Variants in TMOD3 observed in about 807,000 individuals in gnomAD.
The protein encoded by TMOD3 is tropomodulin 3, also known as tropomodulin-3.
A neutral mutation model predicts 39.2 loss-of-function variants in TMOD3; 20 were observed. The observed-to-expected ratio is 0.51, with a 90% CI of 0.36 to 0.74. The LOEUF is 0.74. Among genes scored for constraint, TMOD3 ranks in the 30% least tolerant of loss-of-function variants. The pLI is 0.00. For missense variants in TMOD3, 381 were observed against 412.8 expected (o/e 0.92, Z 0.67); for synonymous variants, 143 against 145.8 (o/e 0.98, Z 0.14).
chr15:51,839,165 C>CTTT (rs60102349), intron 1 of TMOD3, among the ~76,000 whole-genome samples: 4 of 108,968 alleles, frequency 3.7e-5, no homozygotes, highest in Non-Finnish European at 8.0e-5. Context: ...GTGTATCTCT[C>CTTT]TTTTTTTTTT....
intron 1 of TMOD3, among the ~76,000 whole-genome samples, chr15:51,845,536 C>T (rs192843327): frequency 2.0e-5 from 3 of 152,208 alleles, no homozygotes; most frequent in East Asian, 1.9e-4. Context: ...GTGGGAACAT[C>T]GCTTGAGCTC....
In TMOD3 at chr15:51,836,456, C is replaced by T. The variant is rs79866456; in HGVS notation, c.-75+6620C>T. ...CACCCTTATACTACTCTTAAGAATT[C>T]GTTTTCACGCCTATAATCCCAGCAC... On this transcript the variant is annotated intron_variant, in intron 1 of 9. Coordinates refer to ENST00000308580, the MANE Select transcript of TMOD3 (RefSeq NM_014547.5). Among the ~76,000 whole-genome samples the T allele has an allele frequency of 5.6e-4, 85 of 152,164 alleles. 1 individual carries two copies. The East Asian group carries it at 0.012, about 21-fold the overall frequency.
At chr15:51,908,612 GT>G (rs543529390) in intron 9 of TMOD3, among the ~76,000 whole-genome samples, 163 bp from the exon 10 acceptor site, 4,930 of 120,772 alleles carry the variant, frequency 0.041, 217 homozygotes, top group African/African-American at 0.12. Context: ...GAAGTAGGTT[GT>G]TTTTTTTTTT....
chr15:51,908,981 T>G lies in TMOD3; in HGVS notation c.*171T>G. 1 of 435,510 alleles carries G rather than the reference T, an allele frequency of 2.3e-6. No homozygotes were observed. The highest frequency in any genetic ancestry group is 4.1e-6 in the Non-Finnish European group (1 of 243,786). 27.0% of individuals were successfully genotyped at this position (435,510 alleles called of 1,614,324 possible). A position where few individuals can be genotyped will look rare whatever the true frequency, so the allele number is the denominator to read the frequency against. ...ATTGTAAAATCAGTAATGTGATATT[T>G]TATATTCTGAAACATTTCTACTTTC... On this transcript the variant is annotated 3_prime_UTR_variant, in exon 10 of 10. Coordinates refer to ENST00000308580, the MANE Select transcript of TMOD3 (RefSeq NM_014547.5).
At chr15:51,894,014 G>T in intron 6 of TMOD3, 69 bp downstream of exon 6, 3 of 1,349,798 alleles carry the variant, frequency 2.2e-6, no homozygotes, top group East Asian at 5.1e-5. Context: ...GAGCTGGGCA[G>T]TTGATAAAAT....
intron 7 of TMOD3, among the ~76,000 whole-genome samples, chr15:51,899,574 G>A (rs956967443): frequency 3.3e-5 from 5 of 151,756 alleles, no homozygotes; most frequent in African/African-American, 9.7e-5. Context: ...GCTGAGGTGG[G>A]AAGATCAATT....
At chr15:51,871,753 G>A (rs891757314) in intron 3 of TMOD3, among the ~76,000 whole-genome samples, 1 of 152,120 alleles carries the variant, frequency 6.6e-6, no homozygotes, top group Non-Finnish European at 1.5e-5. Context: ...AAAAAGTGCT[G>A]TATCCTCAAC....
chr15:51,840,504 CTTA>C (rs1278909743), intron 1 of TMOD3, among the ~76,000 whole-genome samples: 2 of 152,180 alleles, frequency 1.3e-5, no homozygotes, highest in Non-Finnish European at 2.9e-5. Flanking sequence ...GATGGTTACT[CTTA>C]TTATTCTTAT....
At chr15:51,836,736 AG>A (rs199739427) in intron 1 of TMOD3, among the ~76,000 whole-genome samples, 1,411 of 50,668 alleles carry the variant, frequency 0.028, 42 homozygotes, top group East Asian at 0.13. Flanking sequence ...AAAAAAAAAA[AG>A]AAAAAAGAAA....
At chr15:51,869,573 G>A (rs1203472485) in intron 3 of TMOD3, among the ~76,000 whole-genome samples, 200 bp downstream of exon 3, 1 of 152,124 alleles carries the variant, frequency 6.6e-6, no homozygotes, top group Non-Finnish European at 1.5e-5. Flanking sequence ...TCTTAATGAT[G>A]TTAGTGAGGT....
intron 1 of TMOD3, among the ~76,000 whole-genome samples, chr15:51,832,230 T>TATATATATATATATA (rs1450593296): frequency 1.3e-4 from 18 of 136,624 alleles, no homozygotes; most frequent in African/African-American, 4.4e-4. Flanking sequence ...TATATATATA[T>TATATATATATATATA]ATGAATGACA....
At chr15:51,883,928 T>A (rs1361802820) in intron 3 of TMOD3, among the ~76,000 whole-genome samples, 1 of 152,218 alleles carries the variant, frequency 6.6e-6, no homozygotes, top group African/African-American at 2.4e-5. Flanking sequence ...TCAACCACTA[T>A]GAAAAGTATG....
intron 3 of TMOD3, among the ~76,000 whole-genome samples, chr15:51,880,624 G>C (rs540645040): frequency 6.6e-6 from 1 of 152,202 alleles, no homozygotes; most frequent in African/African-American, 2.4e-5. Context: ...TTAGCATAAG[G>C]TTTTGGAGTT....
At chr15:51,886,603 C>A (rs916514476) in intron 3 of TMOD3, among the ~76,000 whole-genome samples, 1 of 152,094 alleles carries the variant, frequency 6.6e-6, no homozygotes, top group African/African-American at 2.4e-5. Flanking sequence ...TGCAGTGAGC[C>A]GAGATGGCAG....
In TMOD3 at chr15:51,869,301, T is replaced by C; in HGVS notation, c.211T>C (p.Ser71Pro). The part of the protein sequence containing the change: ...TGPFDREHLL[S>P]YLEKEALEHK... ...GCCATTTGATAGAGAGCATCTCCTTTCATATCTGGAGAAAGAAGCATTGGA... is the reference window on the plus strand; with the variant it reads ...GCCATTTGATAGAGAGCATCTCCTTCCATATCTGGAGAAAGAAGCATTGGA... Residue 71 changes from serine (S) to proline (P), a missense_variant, in exon 3 of 10, where the codon TCA becomes CCA. Ser to Pro is a moderately conservative substitution (Grantham distance 74). Transcript: ENST00000308580. 5 of 1,614,146 alleles carry C rather than the reference T, an allele frequency of 3.1e-6. No individual in the cohort carries two copies. Among genetic ancestry groups the C allele is most frequent in the Non-Finnish European group, 4.2e-6 (5 of 1,180,010 alleles).
chr15:51,904,723 A>G (rs1339350759), intron 9 of TMOD3, among the ~76,000 whole-genome samples: 2 of 152,176 alleles, frequency 1.3e-5, no homozygotes, highest in Non-Finnish European at 2.9e-5. Flanking sequence ...TTTCTGTAAG[A>G]AAAGAAATGT....
In TMOD3 at chr15:51,900,292, C is replaced by T. The variant is rs1258321526; in HGVS notation, c.873C>T (p.Asp291=). The change falls in exon 8 of 10, where the codon GAC becomes GAT. Residue 291 remains aspartate, a synonymous_variant. Coordinates refer to ENST00000308580, the MANE Select transcript of TMOD3 (RefSeq NM_014547.5). ...AAACCCTGGCAGAGCTCAAGATTGA[C>T]AATCAGGTCAATGTTCTACAATAAT... The part of the protein sequence containing the change: ...DNETLAELKI[D]NQRQQLGTAV... 2.5e-6 allele frequency: 4 copies of T among 1,613,906 alleles called. No individual in the cohort carries two copies. The highest frequency in any genetic ancestry group is 3.4e-6 in the Non-Finnish European group (4 of 1,180,004).
At chr15:51,840,339 T>C (rs981636532) in intron 1 of TMOD3, among the ~76,000 whole-genome samples, 7 of 152,244 alleles carry the variant, frequency 4.6e-5, no homozygotes, top group Non-Finnish European at 1.0e-4. Flanking sequence ...ATTTACTTAA[T>C]GTGAACTAAT....
chr15:51,902,353 C>G (rs952481445), intron 9 of TMOD3, among the ~76,000 whole-genome samples: 1 of 152,148 alleles, frequency 6.6e-6, no homozygotes, highest in Non-Finnish European at 1.5e-5. Flanking sequence ...TCAACATTAT[C>G]GGAAAGTTTT....
Sources: gnomAD v4.1 joint callset for allele counts (sites outside exome capture counted in the v4.1 genomes callset) on GRCh38, gnomAD v4.1.1 for gene constraint, MANE v1.5 for transcripts, NCBI Gene and HGNC (gene_info 2026-07-23, HGNC 2026-07-21) for gene names.